The following SERINC2 variants were observed in gnomAD, a reference collection of about 807,000 sequenced individuals.
SERINC2 encodes the protein serine incorporator 2.
In SERINC2, 56 loss-of-function variants were observed where a neutral mutation model predicts 54.2. That is an observed-to-expected ratio of 1.03 (90% CI 0.83 to 1.29). The LOEUF (loss-of-function observed/expected upper bound fraction) is 1.29. Among genes scored for constraint, SERINC2 ranks in the 50% most tolerant of loss-of-function variants. The pLI, the probability that SERINC2 is intolerant of heterozygous loss-of-function variation, is 0.00. For synonymous variants in SERINC2, 272 were observed against 253.1 expected, an observed-to-expected ratio of 1.07 and a Z score of -0.71; for missense variants, 614 against 607.4, an observed-to-expected ratio of 1.01 and a Z score of -0.12.
At chr1:31,424,909 T>G in intron 3 of SERINC2, 36 bp downstream of exon 3, 1 of 1,555,344 alleles carries the variant, frequency 6.4e-7, no homozygotes, top group Non-Finnish European at 8.8e-7. Flanking sequence ...CCTGGGACCT[T>G]CCCCCAGTGC....
Position 31,413,739 on chromosome 1 carries a change from G to GCATCATTAAAA in SERINC2, c.39+435_39+436insCATCATTAAAA. 1 of 1,309,230 alleles carries GCATCATTAAAA rather than the reference G, an allele frequency of 7.6e-7. No homozygotes were observed. The highest frequency in any genetic ancestry group is 2.2e-5 in the South Asian group (1 of 46,186). 81.1% of individuals were successfully genotyped at this position (1,309,230 alleles called of 1,614,324 possible). A position where few individuals can be genotyped will look rare whatever the true frequency, so the allele number is the denominator to read the frequency against. On this transcript the variant is annotated intron_variant, in intron 1 of 9. Transcript: ENST00000373709. This position sits in a 1 kb window ranked among gnomAD's most constrained non-coding sequence, Gnocchi z 5.0. ...TCGCCCGGGCCCCGTCCCTCCTGGC[G>GCATCATTAAAA]AGTGCCCTGCCCTACCCCTCTGGCC... is the stretch of plus-strand genomic sequence containing the variant.
intron 8 of SERINC2, among the ~76,000 whole-genome samples, chr1:31,431,848 G>A (rs1553134548): frequency 1.1e-4 from 16 of 147,382 alleles, no homozygotes; most frequent in African/African-American, 3.5e-4. Flanking sequence ...GGATAGGGTG[G>A]ATAGGGTGGA....
In SERINC2 at chr1:31,434,103, C is replaced by G. The variant is rs782608313; in HGVS notation, c.1272C>G (p.Ala424=). 1 of 1,614,032 alleles carries G rather than the reference C, an allele frequency of 6.2e-7. No homozygotes were observed. Among genetic ancestry groups the G allele is most frequent in the Non-Finnish European group, 8.5e-7 (1 of 1,179,970 alleles). The change falls in exon 10 of 10, where the codon GCC becomes GCG. Residue 424 remains alanine (A), a synonymous_variant. Coordinates refer to ENST00000373709, the MANE Select transcript of SERINC2 (RefSeq NM_178865.5). ...ETRKMISTWT[A]VWVKICASWA... ...GGAAGATGATCAGCACGTGGACCGC[C>G]GTGTGGGTGAAGATCTGTGCCAGCT...
intron 1 of SERINC2, among the ~76,000 whole-genome samples, chr1:31,423,209 G>A (rs1640943381): frequency 2.0e-5 from 3 of 152,220 alleles, no homozygotes; most frequent in African/African-American, 7.2e-5. Context: ...GAAAAATTAA[G>A]TGGGGAAGGG....
intron 1 of SERINC2, chr1:31,414,608 T>C (rs1640739564): frequency 1.0e-6 from 1 of 985,824 alleles, no homozygotes; most frequent in Non-Finnish European, 1.2e-6. Context: ...TTCGTGTGTG[T>C]GTGTGCGTGT....
chr1:31,425,982 C>T (rs1553133567), intron 5 of SERINC2, 69 bp downstream of exon 5: 6 of 1,524,822 alleles, frequency 3.9e-6, no homozygotes, highest in Admixed American at 3.9e-5. Flanking sequence ...CCTGAGAAAT[C>T]GAGGGTCCTT....
chr1:31,417,950 G>A (rs371716410), intron 1 of SERINC2, among the ~76,000 whole-genome samples: 2 of 135,216 alleles, frequency 1.5e-5, no homozygotes, highest in African/African-American at 2.8e-5. Flanking sequence ...TCCACCTCCC[G>A]GGTTCAAGCA....
intron 1 of SERINC2, among the ~76,000 whole-genome samples, chr1:31,419,010 G>C (rs1640844635): frequency 6.6e-6 from 1 of 152,196 alleles, no homozygotes; most frequent in Non-Finnish European, 1.5e-5. Context: ...CTGAGGCCTG[G>C]GGCTTCTTAA....
intron 1 of SERINC2, among the ~76,000 whole-genome samples, chr1:31,422,512 G>C (rs1379126865): frequency 6.6e-6 from 1 of 152,038 alleles, no homozygotes; most frequent in East Asian, 1.9e-4. Context: ...TCCCTGACAT[G>C]CCACCCTCAA....
chr1:31,412,192 T>G, upstream of SERINC2, among the ~76,000 whole-genome samples: 1 of 152,096 alleles, frequency 6.6e-6, no homozygotes, highest in African/African-American at 2.4e-5. Flanking sequence ...GCACAGAGAC[T>G]TCTTTCCCTA....
chr1:31,425,636 G>C, intron 4 of SERINC2, 140 bp from the exon 5 acceptor site: 1 of 1,135,770 alleles, frequency 8.8e-7, no homozygotes, highest in Non-Finnish European at 1.3e-6. Context: ...CCTGCCCTCT[G>C]TGCGTAGCTA....
intron 6 of SERINC2, among the ~76,000 whole-genome samples, chr1:31,428,698 G>T (rs571288056): frequency 2.6e-5 from 4 of 152,166 alleles, no homozygotes; most frequent in Non-Finnish European, 5.9e-5. Flanking sequence ...GGGACAGTGG[G>T]CCAGGTGGAG....
In SERINC2 at chr1:31,424,705, G is replaced by T. The variant is rs148585359; in HGVS notation, c.224G>T (p.Gly75Val). The T allele has an allele frequency of 2.8e-5, 45 of 1,602,952 alleles. No homozygotes were observed. In the African/African-American group the frequency reaches 5.1e-4, roughly 18 times the overall value. ...CAGCTGCCCTGGGTGTGTGAGGAGGGGGCCGGGATCCCCACCGTCCTGCAG... is the reference window on the plus strand; with the variant it reads ...CAGCTGCCCTGGGTGTGTGAGGAGGTGGCCGGGATCCCCACCGTCCTGCAG... The part of the protein sequence containing the change: ...LYKLPWVCEE[G>V]AGIPTVLQGH... The change falls in exon 3 of 10, where the codon GGG becomes GTG. Residue 75 changes from glycine (G) to valine (V), a missense_variant. Coordinates refer to ENST00000373709, the MANE Select transcript of SERINC2 (RefSeq NM_178865.5).
chr1:31,433,344 TAC>T (rs782706714), intron 9 of SERINC2, among the ~76,000 whole-genome samples, 159 bp downstream of exon 9: 1 of 152,154 alleles, frequency 6.6e-6, no homozygotes, highest in Non-Finnish European at 1.5e-5. Flanking sequence ...CCTTCCCTGC[TAC>T]AGTTTCCCCA....
chr1:31,428,870 A>G (rs1212332765), intron 6 of SERINC2, 108 bp from the exon 7 acceptor site: 3 of 807,140 alleles, frequency 3.7e-6, no homozygotes, highest in Non-Finnish European at 6.2e-6. Context: ...GTGGTGGGGT[A>G]TCCTAGGTGG....
In SERINC2 at chr1:31,418,893, T is replaced by C. The variant is rs532823303; in HGVS notation, c.40-4800T>C. ...TTGGGAGGTAGTGAGCTCCTTGTCA[T>C]TGGCAGTGTGCAAGCAGCAGAGGAT... On this transcript the variant is annotated intron_variant, in intron 1 of 9. Coordinates refer to ENST00000373709, the MANE Select transcript of SERINC2 (RefSeq NM_178865.5). 2.6e-5 allele frequency among the ~76,000 whole-genome samples: 4 copies of C among 152,212 alleles called. No homozygotes were observed. The South Asian group carries it at 6.2e-4, about 24-fold the overall frequency.
rs183766147 is a variant in SERINC2, at chr1:31,414,884, G to A, written c.39+1580G>A. On this transcript the variant is annotated intron_variant, in intron 1 of 9. Transcript: ENST00000373709. ...CCATCTGGCAGTTGACAGTAACAGG[G>A]CCTTTCTCACAATGCTGTTGGGAGA... 6.0e-5 allele frequency: 29 copies of A among 482,384 alleles called. No homozygotes were observed. The East Asian group carries it at 4.3e-3, about 71-fold the overall frequency. 29.9% of individuals were successfully genotyped at this position (482,384 alleles called of 1,614,324 possible). A position where few individuals can be genotyped will look rare whatever the true frequency, so the allele number is the denominator to read the frequency against.
chr1:31,432,119 T>TGGAGAGGGTGGAGAGGGTGGA (rs1557501382), intron 8 of SERINC2, among the ~76,000 whole-genome samples: 1 of 9,726 alleles, frequency 1.0e-4, no homozygotes, highest in Non-Finnish European at 1.8e-4. Flanking sequence ...GATAGGGTGG[T>TGGAGAGGGTGGAGAGGGTGGA]TAGGGTGGAT....
intron 8 of SERINC2, among the ~76,000 whole-genome samples, chr1:31,431,223 C>T (rs1246975888): frequency 1.3e-5 from 2 of 151,760 alleles, no homozygotes; most frequent in African/African-American, 4.8e-5. Flanking sequence ...CTCCTGGGCT[C>T]AAGTGATCCT....
Sources: allele counts gnomAD v4.1 joint callset (sites outside exome capture counted in the v4.1 genomes callset), GRCh38; gene constraint gnomAD v4.1.1; non-coding constraint Gnocchi (gnomAD v3.1); transcripts MANE v1.5; gene names NCBI Gene and HGNC (gene_info 2026-07-23, HGNC 2026-07-21).